Variants in PSKH1 observed in about 807,000 individuals in gnomAD.
The protein encoded by PSKH1 is serine/threonine-protein kinase H1.
PSKH1 carries 12 observed loss-of-function variants against 26.7 expected under a neutral mutation model. The observed-to-expected ratio is 0.45, with a 90% CI of 0.29 to 0.73. The LOEUF (loss-of-function observed/expected upper bound fraction) is 0.73, where lower values mean the gene tolerates loss of function less well. Ranked by LOEUF, PSKH1 falls within the 30% of genes least tolerant of loss-of-function variation. The probability of loss-of-function intolerance (pLI) is 0.11; values close to 1 mark genes in which losing one functional copy is unlikely to be tolerated. For missense variants in PSKH1, 431 were observed against 595.2 expected (o/e 0.72, Z 2.87); for synonymous variants, 213 against 234.3 (o/e 0.91, Z 0.83).
chr16:67,915,208 A>AGAGAGT (rs1479412956), intron 2 of PSKH1, among the ~76,000 whole-genome samples: 1 of 143,896 alleles, frequency 6.9e-6, no homozygotes, highest in East Asian at 2.0e-4. Context: ...AGAGAGAGAG[A>AGAGAGT]GTGTGTGTGT....
Position 67,901,634 on chromosome 16 carries a change from A to AT in PSKH1, c.-70-7029dup, listed in dbSNP as rs60510650. Among the ~76,000 whole-genome samples, 760 of 126,492 alleles carry AT rather than the reference A, an allele frequency of 6.0e-3. 2 individuals carry two copies. Among genetic ancestry groups the AT allele is most frequent in the Middle Eastern group, 0.03 (5 of 168 alleles). 83.0% of individuals were successfully genotyped at this position (126,492 alleles called of 152,430 possible). A position where few individuals can be genotyped will look rare whatever the true frequency, so the allele number is the denominator to read the frequency against. On this transcript the variant is annotated intron_variant, in intron 1 of 2. Coordinates refer to ENST00000291041, the MANE Select transcript of PSKH1 (RefSeq NM_006742.3). ...AGGCGTGAGCCACCATGCCCAGCCTATTTTTTTTTTTTTTTTTGGAGACAT... is the reference window on the plus strand; with the variant it reads ...AGGCGTGAGCCACCATGCCCAGCCTATTTTTTTTTTTTTTTTTTGGAGACAT...
intron 2 of PSKH1, among the ~76,000 whole-genome samples, chr16:67,911,800 G>A (rs373708157): frequency 2.0e-5 from 3 of 152,218 alleles, no homozygotes; most frequent in African/African-American, 7.2e-5. Context: ...GGGGTCCATC[G>A]GGGACTTCCT....
chr16:67,923,167 C>A (rs1261396440), intron 2 of PSKH1, among the ~76,000 whole-genome samples: 5 of 152,146 alleles, frequency 3.3e-5, no homozygotes. Flanking sequence ...GGCTTTGGCC[C>A]AGCATGGGTA....
At chr16:67,910,376 A>G (rs1043744119) in intron 2 of PSKH1, among the ~76,000 whole-genome samples, 22 of 152,244 alleles carry the variant, frequency 1.4e-4, no homozygotes, top group African/African-American at 5.3e-4. Context: ...CAGCCAAGCT[A>G]GACTGAACAT....
chr16:67,909,426 A>G lies in PSKH1; in HGVS notation c.677A>G (p.Tyr226Cys). Residue 226 changes from tyrosine to cysteine, a missense_variant, in exon 2 of 3, where the codon TAC becomes TGC. By Grantham distance (194) the Tyr-to-Cys change is radical (BLOSUM62 -2). Coordinates refer to ENST00000291041, the MANE Select transcript of PSKH1 (RefSeq NM_006742.3). This position sits in a 1 kb window ranked among gnomAD's most constrained non-coding sequence, Gnocchi z 7.8. ...GACCTCAAACCTGAGAATCTGCTCTACTACCATCCGGGCACTGACTCCAAG... is the reference window on the plus strand; with the variant it reads ...GACCTCAAACCTGAGAATCTGCTCTGCTACCATCCGGGCACTGACTCCAAG... ...HRDLKPENLLYYHPGTDSKII... is the reference protein window; with the variant it reads ...HRDLKPENLLCYHPGTDSKII... 6.2e-7 allele frequency: 1 copy of G among 1,613,512 alleles called. No individual in the cohort carries two copies. Among genetic ancestry groups the G allele is most frequent in the Non-Finnish European group, 8.5e-7 (1 of 1,180,000 alleles).
At chr16:67,897,897 G>C (rs2058130830) in intron 1 of PSKH1, among the ~76,000 whole-genome samples, 1 of 152,080 alleles carries the variant, frequency 6.6e-6, no homozygotes, top group Non-Finnish European at 1.5e-5. Context: ...GCCCAGGCTG[G>C]AGTGTAGTGG....
At chr16:67,920,510 C>T (rs533157706) in intron 2 of PSKH1, among the ~76,000 whole-genome samples, 14 of 152,160 alleles carry the variant, frequency 9.2e-5, no homozygotes, top group Non-Finnish European at 1.9e-4. Flanking sequence ...CCTCCTGCCT[C>T]GGCCTCCCAA....
chr16:67,896,771 T>C (rs1171653671), intron 1 of PSKH1, among the ~76,000 whole-genome samples: 1 of 152,134 alleles, frequency 6.6e-6, no homozygotes, highest in Non-Finnish European at 1.5e-5. Flanking sequence ...ATAAGCATAT[T>C]GTCTAGGTCT....
chr16:67,924,956 T>A (rs982470034), intron 2 of PSKH1, among the ~76,000 whole-genome samples: 10 of 151,158 alleles, frequency 6.6e-5, no homozygotes, highest in Middle Eastern at 3.2e-3. Context: ...CTTTCTTTTT[T>A]AAAAAAAAAT....
At chr16:67,926,808 C>T (rs1013619114) in intron 2 of PSKH1, among the ~76,000 whole-genome samples, 8 of 152,004 alleles carry the variant, frequency 5.3e-5, no homozygotes, top group Non-Finnish European at 8.8e-5. Flanking sequence ...GTTTCCTTTC[C>T]TCCCCATGCC....
At chr16:67,913,078 A>C (rs1461484831) in intron 2 of PSKH1, among the ~76,000 whole-genome samples, 2 of 151,040 alleles carry the variant, frequency 1.3e-5, no homozygotes, top group East Asian at 4.0e-4. Context: ...CCAGCTACTC[A>C]GGAGGCTGAG....
chr16:67,915,066 G>A (rs1476844469), intron 2 of PSKH1, among the ~76,000 whole-genome samples: 1 of 152,184 alleles, frequency 6.6e-6, no homozygotes, highest in African/African-American at 2.4e-5. Context: ...ATGGGGTGGG[G>A]AGTGGGTTCC....
chr16:67,912,539 G>A (rs1243122391), intron 2 of PSKH1, among the ~76,000 whole-genome samples: 1 of 152,238 alleles, frequency 6.6e-6, no homozygotes, highest in Non-Finnish European at 1.5e-5. Flanking sequence ...TTGGCCATCA[G>A]GTTGGCACAA....
chr16:67,906,037 G>A (rs1466914555), intron 1 of PSKH1, among the ~76,000 whole-genome samples: 1 of 151,666 alleles, frequency 6.6e-6, no homozygotes, highest in East Asian at 1.9e-4. Flanking sequence ...TGTTTTATCT[G>A]AATTGTTCAT....
intron 1 of PSKH1, among the ~76,000 whole-genome samples, chr16:67,898,041 G>A (rs1029086221): frequency 1.1e-4 from 16 of 152,092 alleles, no homozygotes; most frequent in Non-Finnish European, 2.2e-4. Flanking sequence ...TAGTAGAGAC[G>A]GGGTTTCACT....
chr16:67,917,833 A>G (rs1225029311), intron 2 of PSKH1, among the ~76,000 whole-genome samples: 1 of 152,170 alleles, frequency 6.6e-6, no homozygotes, highest in Admixed American at 6.5e-5. Context: ...AAGAGGGGTA[A>G]ATGCTGAGGA....
Position 67,927,293 on chromosome 16 carries a change from C to T in PSKH1, c.958-32C>T, listed in dbSNP as rs2058219931. ...CAGATGGGGTGGGCAGTGTCAGATG[C>T]TCTCACTCTAATGCTTGTCCTTGGT... On this transcript the variant is annotated intron_variant, in intron 2 of 2. Coordinates refer to ENST00000291041, the MANE Select transcript of PSKH1 (RefSeq NM_006742.3). The surrounding 1 kb of genome is among the most constrained non-coding windows in gnomAD (Gnocchi z 5.5). The T allele has an allele frequency of 6.4e-6, 10 of 1,567,712 alleles. No homozygotes were observed. The highest frequency in any genetic ancestry group is 8.7e-6 in the Non-Finnish European group (10 of 1,151,324).
chr16:67,906,616 CG>C (rs1331853840), intron 1 of PSKH1, among the ~76,000 whole-genome samples: 1 of 151,768 alleles, frequency 6.6e-6, no homozygotes, highest in African/African-American at 2.4e-5. Flanking sequence ...CCGCCCACCT[CG>C]GCCTCCCAAA....
intron 2 of PSKH1, among the ~76,000 whole-genome samples, chr16:67,914,489 C>G (rs2058181452): frequency 7.1e-6 from 1 of 140,336 alleles, no homozygotes; most frequent in African/African-American, 2.7e-5. Flanking sequence ...GAGTCTCGCT[C>G]TGTCGCCCAG....
Sources: allele counts gnomAD v4.1 joint callset (sites outside exome capture counted in the v4.1 genomes callset), GRCh38; gene constraint gnomAD v4.1.1; non-coding constraint Gnocchi (gnomAD v3.1); transcripts MANE v1.5; gene names NCBI Gene and HGNC (gene_info 2026-07-23, HGNC 2026-07-21).